PRKG1: variants seen among roughly 807,000 people sequenced by gnomAD.
PRKG1 encodes the protein protein kinase cGMP-dependent 1.
A neutral mutation model predicts 88.1 loss-of-function variants in PRKG1; 35 were observed. The ratio of observed to expected loss-of-function variants is 0.40; its 90% confidence interval spans 0.30 to 0.53. The LOEUF is 0.53. Ranked by LOEUF, PRKG1 falls within the 20% of genes least tolerant of loss-of-function variation. The pLI is 0.59. For missense variants in PRKG1, 540 were observed against 839.8 expected, an observed-to-expected ratio of 0.64 and a Z score of 4.41; for synonymous variants, 303 against 292.5, an observed-to-expected ratio of 1.04 and a Z score of -0.37.
At chr10:52,087,567 T>G (rs1285967161) in intron 7 of PRKG1, among the ~76,000 whole-genome samples, 1 of 152,194 alleles carries the variant, frequency 6.6e-6, no homozygotes, top group East Asian at 1.9e-4. Context: ...AAAGTCATAG[T>G]CAGAAAACCT....
At position 51,478,439 on chromosome 10, in the gene PRKG1, C is replaced by T. The variant is rs1211099863; in HGVS notation, c.592+10603C>T. Reference sequence around the variant, plus strand: ...TTTTTATAAGAATGCAAAAACTGGCCCCCTTGATGATTCAAACTACTTCTG... The same window carrying T: ...TTTTTATAAGAATGCAAAAACTGGCTCCCTTGATGATTCAAACTACTTCTG... On this transcript the variant is annotated intron_variant, in intron 3 of 17. Transcript: ENST00000373980. Among the ~76,000 whole-genome samples the T allele has an allele frequency of 2.6e-5, 4 of 151,746 alleles. No homozygotes were observed. The East Asian group carries it at 5.8e-4, about 22-fold the overall frequency.
At chr10:51,299,503 G>A (rs376362169) in intron 2 of PRKG1, 90 of 462,108 alleles carry the variant, frequency 1.9e-4, no homozygotes, top group African/African-American at 1.5e-3. Context: ...ACCATGCCCC[G>A]CCTCTTTTTG....
chr10:51,374,093 A>AATATATATATATATATATATATATAT (rs58198784), intron 2 of PRKG1, among the ~76,000 whole-genome samples: 42 of 99,988 alleles, frequency 4.2e-4, no homozygotes, highest in South Asian at 1.3e-3. Context: ...AAAAAAAAAA[A>AATATATATATATATATATATATATAT]ATATATATAT....
At chr10:52,146,267 A>G (rs1211851230) in intron 8 of PRKG1, among the ~76,000 whole-genome samples, 1 of 152,194 alleles carries the variant, frequency 6.6e-6, no homozygotes, top group Admixed American at 6.6e-5. Context: ...AGAGACATAT[A>G]AATATAACCC....
chr10:51,261,894 T>C (rs1589289974), intron 2 of PRKG1, among the ~76,000 whole-genome samples: 1 of 147,880 alleles, frequency 6.8e-6, no homozygotes, highest in East Asian at 1.9e-4. Context: ...TTTTTTTTTT[T>C]TTTTTTTTGA....
chr10:51,918,155 C>T (rs574854588), intron 5 of PRKG1, among the ~76,000 whole-genome samples: 3 of 152,196 alleles, frequency 2.0e-5, no homozygotes, highest in Non-Finnish European at 4.4e-5. Flanking sequence ...GATAACACAG[C>T]GAATTAAATG....
At chr10:51,775,059 A>T (rs2132552156) in intron 3 of PRKG1, among the ~76,000 whole-genome samples, 1 of 152,256 alleles carries the variant, frequency 6.6e-6, no homozygotes, top group South Asian at 2.1e-4. Context: ...ATTTTTAAAA[A>T]TTTGTTTCAA....
chr10:51,504,039 A>G (rs1841116033), intron 3 of PRKG1, among the ~76,000 whole-genome samples: 1 of 152,098 alleles, frequency 6.6e-6, no homozygotes, highest in African/African-American at 2.4e-5. Context: ...TTCTTTAGCA[A>G]AGTTTATTTA....
chr10:51,750,204 G>C (rs1335956076), intron 3 of PRKG1, among the ~76,000 whole-genome samples: 1 of 151,996 alleles, frequency 6.6e-6, no homozygotes, highest in Non-Finnish European at 1.5e-5. Context: ...CCAAAGTGCT[G>C]GTATTACAGG....
chr10:51,087,568 C>T (rs1477011248), intron 1 of PRKG1, among the ~76,000 whole-genome samples: 1 of 152,126 alleles, frequency 6.6e-6, no homozygotes, highest in Non-Finnish European at 1.5e-5. Flanking sequence ...CTATTTGTTT[C>T]ATCAACTCAT....
At chr10:51,693,979 T>C (rs1841216751) in intron 3 of PRKG1, among the ~76,000 whole-genome samples, 1 of 152,156 alleles carries the variant, frequency 6.6e-6, no homozygotes, top group Non-Finnish European at 1.5e-5. Context: ...AATATCCCTA[T>C]TAACATTTAA....
At chr10:51,606,222 A>G (rs1838762709) in intron 3 of PRKG1, among the ~76,000 whole-genome samples, 1 of 152,158 alleles carries the variant, frequency 6.6e-6, no homozygotes, top group Admixed American at 6.5e-5. Context: ...GTATTTTCAA[A>G]ACTGTTTCCC....
chr10:51,806,486 A>G (rs1266485008), intron 4 of PRKG1, among the ~76,000 whole-genome samples: 1 of 152,220 alleles, frequency 6.6e-6, no homozygotes, highest in Non-Finnish European at 1.5e-5. Flanking sequence ...GTCAGAATAG[A>G]GCTGGCAGAG....
chr10:52,271,626 G>A (rs1269193388), intron 11 of PRKG1, 137 bp downstream of exon 11: 1 of 938,648 alleles, frequency 1.1e-6, no homozygotes, highest in Non-Finnish European at 1.5e-6. Flanking sequence ...TCTTAAGAAA[G>A]TTTTGTTTGA....
At chr10:51,200,233 T>C (rs1331795628) in intron 2 of PRKG1, among the ~76,000 whole-genome samples, 1 of 152,202 alleles carries the variant, frequency 6.6e-6, no homozygotes, top group Non-Finnish European at 1.5e-5. Flanking sequence ...GGATGTGTGG[T>C]TGAAGCCTAA....
At chr10:51,350,333 G>A (rs918543732) in intron 2 of PRKG1, among the ~76,000 whole-genome samples, 4 of 152,162 alleles carry the variant, frequency 2.6e-5, no homozygotes, top group African/African-American at 7.2e-5. Context: ...GAGGTCTCAG[G>A]TAAATATTGG....
intron 2 of PRKG1, among the ~76,000 whole-genome samples, chr10:51,289,251 T>C (rs1253200432): frequency 1.3e-5 from 2 of 152,174 alleles, no homozygotes; most frequent in Non-Finnish European, 2.9e-5. Context: ...AGTGGTTTTT[T>C]GCTTAGGACC....
chr10:51,018,786 A>G (rs560342173), intron 1 of PRKG1, among the ~76,000 whole-genome samples: 9 of 152,322 alleles, frequency 5.9e-5, no homozygotes, highest in Middle Eastern at 3.4e-3. Context: ...AAAATTAGAA[A>G]TCACACATTG....
intron 2 of PRKG1, among the ~76,000 whole-genome samples, chr10:51,432,069 T>C (rs1838785987): frequency 6.6e-6 from 1 of 152,150 alleles, no homozygotes; most frequent in African/African-American, 2.4e-5. Flanking sequence ...CCAAAACACA[T>C]GTACCACATA....
Sources: gnomAD v4.1 joint callset for allele counts (sites outside exome capture counted in the v4.1 genomes callset) on GRCh38, gnomAD v4.1.1 for gene constraint, MANE v1.5 for transcripts, NCBI Gene and HGNC (gene_info 2026-07-23, HGNC 2026-07-21) for gene names.